The following NELL1 variants were observed in gnomAD, a reference collection of about 807,000 sequenced individuals.
NELL1 encodes neural EGFL like 1.
In NELL1, 76 loss-of-function variants were observed where a neutral mutation model predicts 107.4. The ratio of observed to expected loss-of-function variants is 0.71; its 90% CI spans 0.59 to 0.86. NELL1 has a LOEUF of 0.86. Among genes scored for constraint, NELL1 ranks in the 40% least tolerant of loss-of-function variants. NELL1 has a pLI of 0.00. For synonymous variants in NELL1, 353 were observed against 341.2 expected (o/e 1.03, Z -0.38); for missense variants, 1,024 against 1,005.5 (o/e 1.02, Z -0.25).
intron 15 of NELL1, among the ~76,000 whole-genome samples, chr11:21,452,477 C>G (rs1056648928): frequency 6.6e-6 from 1 of 151,958 alleles, no homozygotes; most frequent in Non-Finnish European, 1.5e-5. Context: ...TATTGACATA[C>G]AGTTTTTTAT....
intron 2 of NELL1, among the ~76,000 whole-genome samples, chr11:20,692,866 G>A (rs1184804067): frequency 2.0e-5 from 3 of 152,118 alleles, no homozygotes; most frequent in Non-Finnish European, 2.9e-5. Context: ...TCGTTGATCT[G>A]TCTAATGTTG....
intron 12 of NELL1, among the ~76,000 whole-genome samples, chr11:21,076,194 T>G (rs549688609): frequency 6.6e-6 from 1 of 152,354 alleles, no homozygotes; most frequent in East Asian, 1.9e-4. Context: ...CTTCAGTGTT[T>G]AGGATGAATG....
intron 15 of NELL1, among the ~76,000 whole-genome samples, chr11:21,531,470 G>T (rs1300882202): frequency 1.3e-5 from 2 of 152,084 alleles, no homozygotes; most frequent in Non-Finnish European, 2.9e-5. Flanking sequence ...TTATTGTGTT[G>T]TCGACATTTG....
intron 14 of NELL1, among the ~76,000 whole-genome samples, chr11:21,233,692 C>T (rs768575752): frequency 2.6e-5 from 4 of 152,174 alleles, no homozygotes; most frequent in Non-Finnish European, 4.4e-5. Context: ...CATTACCTGA[C>T]ATGAAGGTTA....
At chr11:21,291,465 A>G (rs1274103388) in intron 14 of NELL1, among the ~76,000 whole-genome samples, 1 of 152,118 alleles carries the variant, frequency 6.6e-6, no homozygotes, top group Non-Finnish European at 1.5e-5. Context: ...AAGACTAGAT[A>G]GATTCACAGC....
chr11:20,776,146 T>TA (rs1856745454), intron 2 of NELL1, among the ~76,000 whole-genome samples: 1 of 152,130 alleles, frequency 6.6e-6, no homozygotes, highest in Non-Finnish European at 1.5e-5. Context: ...GGGGAATAAA[T>TA]ATAGCACTTG....
At chr11:21,259,448 G>A (rs1485712624) in intron 14 of NELL1, among the ~76,000 whole-genome samples, 1 of 151,878 alleles carries the variant, frequency 6.6e-6, no homozygotes, top group African/African-American at 2.4e-5. Context: ...CATGAGTAAA[G>A]TTATGGAAAT....
chr11:20,805,154 T>C (rs922523685), intron 3 of NELL1, among the ~76,000 whole-genome samples: 3 of 152,206 alleles, frequency 2.0e-5, no homozygotes, highest in Non-Finnish European at 4.4e-5. Context: ...TTTCAGTCTA[T>C]GTGTGTCTTT....
At chr11:21,451,389 A>G (rs1459692245) in intron 15 of NELL1, among the ~76,000 whole-genome samples, 1 of 152,120 alleles carries the variant, frequency 6.6e-6, no homozygotes, top group Non-Finnish European at 1.5e-5. Flanking sequence ...TCAGCAATTC[A>G]GAAAACTATT....
intron 12 of NELL1, among the ~76,000 whole-genome samples, chr11:21,072,741 C>T (rs1312795399): frequency 1.3e-5 from 2 of 152,124 alleles, no homozygotes; most frequent in East Asian, 3.8e-4. Context: ...TGCTTCAAAG[C>T]TATAATGAGA....
chr11:21,431,760 C>A (rs528992569), intron 15 of NELL1, among the ~76,000 whole-genome samples: 62 of 152,260 alleles, frequency 4.1e-4, no homozygotes, highest in African/African-American at 1.4e-3. Context: ...TCCTTTCTGC[C>A]TTTACCATTT....
intron 15 of NELL1, among the ~76,000 whole-genome samples, chr11:21,414,444 G>C (rs926879609): frequency 2.0e-5 from 3 of 151,936 alleles, no homozygotes; most frequent in African/African-American, 7.2e-5. Context: ...AATGAGAAAG[G>C]GATTTTTAGT....
chr11:20,730,354 G>A (rs1471204098), intron 2 of NELL1, among the ~76,000 whole-genome samples: 5 of 152,096 alleles, frequency 3.3e-5, no homozygotes, highest in Non-Finnish European at 7.4e-5. Context: ...TGTAAATTTT[G>A]TGTGTGTATG....
chr11:21,144,891 C>T (rs117528016), intron 13 of NELL1, among the ~76,000 whole-genome samples: 1 of 152,166 alleles, frequency 6.6e-6, no homozygotes, highest in Non-Finnish European at 1.5e-5. Context: ...TCATGGTGCT[C>T]TTTATCTCAG....
At chr11:21,479,454 C>T (rs1854433399) in intron 15 of NELL1, among the ~76,000 whole-genome samples, 2 of 152,094 alleles carry the variant, frequency 1.3e-5, no homozygotes, top group Non-Finnish European at 2.9e-5. Flanking sequence ...GCAAACTTCT[C>T]ATATTCTCAC....
intron 15 of NELL1, among the ~76,000 whole-genome samples, chr11:21,509,444 A>G (rs1855380368): frequency 6.6e-6 from 1 of 152,214 alleles, no homozygotes. Flanking sequence ...TTGTGATTGC[A>G]AATATCAGAA....
chr11:21,229,297 A>G lies in NELL1; in HGVS notation c.1427-35A>G, dbSNP rs779053403. 3 of 1,612,136 alleles carry G rather than the reference A, an allele frequency of 1.9e-6. No homozygotes were observed. The South Asian group carries it at 3.3e-5, about 18-fold the overall frequency. On this transcript the variant is annotated intron_variant, in intron 13 of 19. Transcript: ENST00000357134. ...AATACCAGTAATTCCAACTTAAGAA[A>G]AAGTATTTCTCTTTTTCTCTCACCC... is the stretch of plus-strand genomic sequence containing the variant.
intron 14 of NELL1, among the ~76,000 whole-genome samples, chr11:21,272,857 G>A (rs1174091525): frequency 6.6e-6 from 1 of 152,174 alleles, no homozygotes; most frequent in Non-Finnish European, 1.5e-5. Context: ...CTGTTAGAAG[G>A]AAAACTAACA....
chr11:20,956,837 T>C (rs1475913250), intron 11 of NELL1, among the ~76,000 whole-genome samples: 1 of 152,318 alleles, frequency 6.6e-6, no homozygotes, highest in Non-Finnish European at 1.5e-5. Flanking sequence ...AAAGTACTGA[T>C]TTAAAGATGA....
Sources: gnomAD v4.1 joint callset for allele counts (sites outside exome capture counted in the v4.1 genomes callset) on GRCh38, gnomAD v4.1.1 for gene constraint, MANE v1.5 for transcripts, NCBI Gene and HGNC (gene_info 2026-07-23, HGNC 2026-07-21) for gene names.